The following IKZF2 variants were observed in gnomAD, a reference collection of about 807,000 sequenced individuals.
The protein encoded by IKZF2 is zinc finger protein Helios.
IKZF2 carries 15 observed loss-of-function variants against 49.2 expected under a neutral mutation model. The ratio of observed to expected loss-of-function variants is 0.30; its 90% CI spans 0.20 to 0.47. The LOEUF (loss-of-function observed/expected upper bound fraction) is 0.47. Among genes scored for constraint, IKZF2 ranks in the 20% least tolerant of loss-of-function variants. The probability of loss-of-function intolerance (pLI) is 1.00; values close to 1 mark genes in which losing one functional copy is unlikely to be tolerated. For missense variants in IKZF2, 567 were observed against 664.6 expected (o/e 0.85, Z 1.61); for synonymous variants, 227 against 221.4 (o/e 1.03, Z -0.23).
intron 4 of IKZF2, among the ~76,000 whole-genome samples, chr2:213,142,858 AG>A (rs2060920864): frequency 6.6e-6 from 1 of 152,004 alleles, no homozygotes; most frequent in Admixed American, 6.6e-5. Context: ...CACTCAATAA[AG>A]GATGCCCCTC....
intron 4 of IKZF2, among the ~76,000 whole-genome samples, chr2:213,121,410 T>G (rs147428036): frequency 6.6e-6 from 1 of 152,214 alleles, no homozygotes; most frequent in African/African-American, 2.4e-5. Context: ...GCTTCCTATC[T>G]TAGGCAAATC....
At chr2:213,146,768 G>GGGGGA (rs1484176425) in intron 4 of IKZF2, among the ~76,000 whole-genome samples, 1 of 113,202 alleles carries the variant, frequency 8.8e-6, no homozygotes, top group Non-Finnish European at 2.0e-5. Context: ...TCGGGGGGGG[G>GGGGGA]GAAGGAAAGA....
intron 6 of IKZF2, among the ~76,000 whole-genome samples, chr2:213,045,922 C>T (rs1342876682): frequency 6.6e-6 from 1 of 152,188 alleles, no homozygotes; most frequent in Non-Finnish European, 1.5e-5. Flanking sequence ...ACATCATACC[C>T]TGCCATGATG....
chr2:213,021,923 A>ATTTTATCT lies in IKZF2; in HGVS notation c.712+62_712+69dup, dbSNP rs3830257. On this transcript the variant is annotated intron_variant, in intron 7 of 8. Coordinates refer to ENST00000434687, the MANE Select transcript of IKZF2 (RefSeq NM_001387220.1). ...CTAAAATAGTTTTAAACAGCATAAG[A>ATTTTATCT]TTTTATCTTCATGTTGAACTACAAA... is the stretch of plus-strand genomic sequence containing the variant. 852,707 of 1,450,160 alleles carry ATTTTATCT rather than the reference A, an allele frequency of 0.59. 256,727 individuals carry two copies. The highest frequency in any genetic ancestry group is 0.79 in the East Asian group (33,053 of 41,962). The allele number at this position is 1,450,160 out of a possible 1,614,324, so 89.8% of individuals were successfully genotyped here. A position where few individuals can be genotyped will look rare whatever the true frequency, so the allele number is the denominator to read the frequency against.
At chr2:213,027,031 T>G (rs1396810931) in intron 6 of IKZF2, among the ~76,000 whole-genome samples, 1 of 152,104 alleles carries the variant, frequency 6.6e-6, no homozygotes, top group African/African-American at 2.4e-5. Flanking sequence ...CTCTTCCCCA[T>G]GCTGCCCTAC....
rs541757437 is a variant in IKZF2, at chr2:213,061,810, TA to T, written c.140-4712del. On this transcript the variant is annotated intron_variant, in intron 4 of 8. Coordinates refer to ENST00000434687, the MANE Select transcript of IKZF2 (RefSeq NM_001387220.1). Reference sequence around the variant, plus strand: ...AGAGTATGTACTCCAAAAATGGCCATAAAAGAGTTCATGAGTTAGAATACAG... The same window carrying T: ...AGAGTATGTACTCCAAAAATGGCCATAAAGAGTTCATGAGTTAGAATACAG... 4.8e-4 allele frequency among the ~76,000 whole-genome samples: 73 copies of T among 151,660 alleles called. No individual in the cohort carries two copies. In the South Asian group the frequency reaches 0.01, roughly 21 times the overall value.
chr2:213,128,698 G>A (rs2060353148), intron 4 of IKZF2, among the ~76,000 whole-genome samples: 1 of 151,902 alleles, frequency 6.6e-6, no homozygotes, highest in Non-Finnish European at 1.5e-5. Context: ...CATGATCTCA[G>A]CTCACTGCAA....
rs2125325042 is a variant in IKZF2, at chr2:213,048,904, A to C, written c.574+809T>G. Among the ~76,000 whole-genome samples the C allele has an allele frequency of 1.3e-5, 2 of 152,174 alleles. 1 individual carries two copies. The highest frequency in any genetic ancestry group is 2.9e-5 in the Non-Finnish European group (2 of 67,932). On this transcript the variant is annotated intron_variant, in intron 6 of 8. Transcript: ENST00000434687. Reference sequence around the variant, plus strand: ...TATCTTCATATTAAAATTAAAATTTAGTATGTCATTATGAACAGAAGAAAC... The same window carrying C: ...TATCTTCATATTAAAATTAAAATTTCGTATGTCATTATGAACAGAAGAAAC...
intron 4 of IKZF2, among the ~76,000 whole-genome samples, chr2:213,076,102 A>G (rs1019907958): frequency 2.0e-5 from 3 of 147,418 alleles, no homozygotes; most frequent in African/African-American, 7.7e-5. Context: ...TTTCCTACAC[A>G]TCATGTAAAC....
intron 4 of IKZF2, among the ~76,000 whole-genome samples, chr2:213,106,224 T>TA (rs140394050): frequency 0.061 from 9,274 of 152,084 alleles, 957 homozygotes; most frequent in African/African-American, 0.21. Flanking sequence ...AATCTTTTTT[T>TA]AAAAAAATCT....
At chr2:213,018,848 T>A (rs558928205) in intron 7 of IKZF2, among the ~76,000 whole-genome samples, 2 of 152,276 alleles carry the variant, frequency 1.3e-5, no homozygotes, top group East Asian at 3.9e-4. Context: ...TTTTTACTCA[T>A]CCCTCATGTT....
intron 4 of IKZF2, among the ~76,000 whole-genome samples, chr2:213,137,586 C>T (rs890928640): frequency 1.3e-5 from 2 of 151,998 alleles, no homozygotes; most frequent in African/African-American, 2.4e-5. Context: ...AGAAATGCCA[C>T]TTTTCAGTCT....
At chr2:213,050,813 T>C (rs1700611845) in intron 5 of IKZF2, among the ~76,000 whole-genome samples, 1 of 152,068 alleles carries the variant, frequency 6.6e-6, no homozygotes, top group Non-Finnish European at 1.5e-5. Flanking sequence ...AGGATCAAAT[T>C]GATAGCCTTA....
intron 8 of IKZF2, among the ~76,000 whole-genome samples, chr2:213,010,764 G>A (rs954433649): frequency 6.6e-6 from 1 of 152,084 alleles, no homozygotes; most frequent in Non-Finnish European, 1.5e-5. Flanking sequence ...TTCTGCTCGT[G>A]CTGCCAAGGT....
intron 4 of IKZF2, among the ~76,000 whole-genome samples, chr2:213,119,959 C>T (rs1460582560): frequency 6.6e-6 from 1 of 152,216 alleles, no homozygotes; most frequent in African/African-American, 2.4e-5. Flanking sequence ...CTGTTGAAGG[C>T]AGACTACATG....
chr2:213,076,628 AATGAG>A (rs1172746326), intron 4 of IKZF2, among the ~76,000 whole-genome samples: 4 of 152,260 alleles, frequency 2.6e-5, no homozygotes, highest in Non-Finnish European at 4.4e-5. Flanking sequence ...AAAGAGAATA[AATGAG>A]ATATGTCATT....
At chr2:213,072,143 T>C (rs571847156) in intron 4 of IKZF2, among the ~76,000 whole-genome samples, 1 of 152,212 alleles carries the variant, frequency 6.6e-6, no homozygotes, top group Admixed American at 6.6e-5. Context: ...TTTGAAACAG[T>C]GAATTCTCGC....
chr2:213,024,984 T>G (rs971100687), intron 6 of IKZF2, among the ~76,000 whole-genome samples: 12 of 152,060 alleles, frequency 7.9e-5, no homozygotes, highest in African/African-American at 2.9e-4. Context: ...TAATAGTTAT[T>G]ATTATTATTA....
chr2:213,145,171 CT>C (rs1318664238), intron 4 of IKZF2, among the ~76,000 whole-genome samples: 2 of 136,596 alleles, frequency 1.5e-5, no homozygotes, highest in African/African-American at 5.9e-5. Flanking sequence ...AGCTGTTTTA[CT>C]AAAAAAAAAA....
Sources: gnomAD v4.1 joint callset for allele counts (sites outside exome capture counted in the v4.1 genomes callset) on GRCh38, gnomAD v4.1.1 for gene constraint, MANE v1.5 for transcripts, NCBI Gene and HGNC (gene_info 2026-07-23, HGNC 2026-07-21) for gene names.